The following AGAP3 variants were observed in gnomAD, a reference collection of about 807,000 sequenced individuals.
AGAP3 encodes the protein arf-GAP with GTPase, ANK repeat and PH domain-containing protein 3.
In AGAP3, 24 loss-of-function variants were observed where a neutral mutation model predicts 96.9. The observed-to-expected ratio is 0.25, with a 90% CI of 0.18 to 0.35. The LOEUF (loss-of-function observed/expected upper bound fraction) is 0.35. Ranked by LOEUF, AGAP3 falls within the 10% of genes least tolerant of loss-of-function variation. The pLI, the probability that AGAP3 is intolerant of heterozygous loss-of-function variation, is 1.00. For missense variants in AGAP3, 876 were observed against 1,254.2 expected (o/e 0.70, Z 4.55); for synonymous variants, 563 against 536.1 (o/e 1.05, Z -0.69).
chr7:151,134,627 A>G, intron 11 of AGAP3, 59 bp downstream of exon 11: 2 of 1,516,118 alleles, frequency 1.3e-6, no homozygotes, highest in Non-Finnish European at 1.8e-6. Flanking sequence ...CAAGGCAAGC[A>G]GGCATTCTGG....
At chr7:151,110,663 G>T (rs1799241413) in intron 1 of AGAP3, among the ~76,000 whole-genome samples, 2 of 152,156 alleles carry the variant, frequency 1.3e-5, no homozygotes, top group South Asian at 4.1e-4. Context: ...GGCTGGAGAT[G>T]GGAGACCCCT....
chr7:151,115,573 C>T, intron 1 of AGAP3: 2 of 1,146,058 alleles, frequency 1.7e-6, no homozygotes, highest in Non-Finnish European at 2.1e-6. Flanking sequence ...CGGAGGGAGC[C>T]CGCGCCCGCC....
rs923341339 is a variant in AGAP3 at position 151,114,813 on chromosome 7, C to T, written c.332-1980C>T. ...GCAGGGGGACAGCTGTCCCGGGGAGCGGCCCGCCGCTTGCCGCCGCGCCCA... is the reference window on the plus strand; with the variant it reads ...GCAGGGGGACAGCTGTCCCGGGGAGTGGCCCGCCGCTTGCCGCCGCGCCCA... On this transcript the variant is annotated intron_variant, in intron 1 of 17. Coordinates refer to ENST00000397238, the MANE Select transcript of AGAP3 (RefSeq NM_031946.7). This position sits in a 1 kb window ranked among gnomAD's most constrained non-coding sequence, Gnocchi z 4.4. The T allele has an allele frequency of 9.5e-7, 1 of 1,054,994 alleles. No homozygotes were observed. Among genetic ancestry groups the T allele is most frequent in the Non-Finnish European group, 1.1e-6 (1 of 876,406 alleles). 65.4% of individuals were successfully genotyped at this position (1,054,994 alleles called of 1,614,324 possible).
At position 151,143,341 on chromosome 7, in the gene AGAP3, A is replaced by T; in HGVS notation, c.2274A>T (p.Arg758Ser). 6.2e-7 allele frequency: 1 copy of T among 1,607,404 alleles called. No individual in the cohort carries two copies. Among genetic ancestry groups the T allele is most frequent in the Non-Finnish European group, 8.5e-7 (1 of 1,175,618 alleles). ...GYSKPGPDAC[R>S]EEKERWIRAK... ...TGCCCTGATGGGCCTGTGGTTGCAG[A>T]GAGGAGAAGGAACGCTGGATACGGG... is the stretch of plus-strand genomic sequence containing the variant. Residue 758 changes from arginine (R) to serine (S), a missense_variant and splice_region_variant, in exon 17 of 18, where the codon AGA becomes AGT. Arg to Ser is a moderately radical substitution (Grantham distance 110). This residue lies in a region of AGAP3 where 213 missense variants were observed against 253.8 expected (regional missense o/e 0.84). Transcript: ENST00000397238. This position sits in a 1 kb window ranked among gnomAD's most constrained non-coding sequence, Gnocchi z 5.9.
intron 1 of AGAP3, among the ~76,000 whole-genome samples, chr7:151,087,663 G>A (rs1401877962): frequency 2.6e-5 from 4 of 152,344 alleles, no homozygotes; most frequent in East Asian, 1.9e-4. Context: ...GCTTTGGCCG[G>A]GTCATGAGCC....
At chr7:151,087,363 G>T (rs1426084895) in intron 1 of AGAP3, among the ~76,000 whole-genome samples, 2 of 152,214 alleles carry the variant, frequency 1.3e-5, no homozygotes, top group Non-Finnish European at 2.9e-5. Flanking sequence ...GGCCGGGGAA[G>T]GTGGGCGCGG....
At chr7:151,134,678 C>T in intron 11 of AGAP3, 110 bp downstream of exon 11, 1 of 1,138,316 alleles carries the variant, frequency 8.8e-7, no homozygotes, top group Non-Finnish European at 1.2e-6. Context: ...TGCTGGCCAG[C>T]ATCACACTTC....
chr7:151,115,351 T>C lies in AGAP3; in HGVS notation c.332-1442T>C, dbSNP rs981754889. The stretch of plus-strand genomic sequence containing the variant: ...CTCAGGAAGAGCTTCAGCTTCCGCC[T>C]GCGCCGCGGCCAGGAGGTGCGGCGC... On this transcript the variant is annotated intron_variant, in intron 1 of 17. Transcript: ENST00000397238. 2.5e-4 allele frequency: 253 copies of C among 1,019,244 alleles called. 1 individual carries two copies. The Admixed American group carries it at 0.012, about 48-fold the overall frequency. The allele number at this position is 1,019,244 out of a possible 1,614,324, so 63.1% of individuals were successfully genotyped here. A position where few individuals can be genotyped will look rare whatever the true frequency, so the allele number is the denominator to read the frequency against.
chr7:151,120,530 G>T lies in AGAP3; in HGVS notation c.1128+385G>T. On this transcript the variant is annotated intron_variant, in intron 8 of 17. Coordinates refer to ENST00000397238, the MANE Select transcript of AGAP3 (RefSeq NM_031946.7). ...CCTTTGATTCAACAGCTAATGAACC[G>T]GCGGCCGGAAGGCTGTTTGCCCAAG... 34 of 879,066 alleles carry T rather than the reference G, an allele frequency of 3.9e-5. 1 individual carries two copies. Among genetic ancestry groups the T allele is most frequent in the Non-Finnish European group, 5.5e-5 (33 of 605,148 alleles). The allele number at this position is 879,066 out of a possible 1,614,324, so 54.5% of individuals were successfully genotyped here.
rs773023378 is a variant in AGAP3 at position 151,142,424 on chromosome 7, C to A, written c.2063C>A (p.Ala688Asp). The change falls in exon 16 of 18, where the codon GCC becomes GAC. Residue 688 changes from alanine to aspartate, a missense_variant. Ala to Asp is a moderately radical substitution (Grantham distance 126). Transcript: ENST00000397238. This position sits in a 1 kb window ranked among gnomAD's most constrained non-coding sequence, Gnocchi z 7.5. Reference sequence around the variant, plus strand: ...TCTCCTTGCCTAGATCCAGACTGGGCCAGCCTGAACCTGGGTGCCCTGATG... The same window carrying A: ...TCTCCTTGCCTAGATCCAGACTGGGACAGCCTGAACCTGGGTGCCCTGATG... ...IDCDAPNPDW[A>D]SLNLGALMCI... 1 of 1,613,744 alleles carries A rather than the reference C, an allele frequency of 6.2e-7. No homozygotes were observed. Among genetic ancestry groups the A allele is most frequent in the Non-Finnish European group, 8.5e-7 (1 of 1,179,870 alleles).
intron 1 of AGAP3, among the ~76,000 whole-genome samples, chr7:151,089,494 C>T (rs751553931): frequency 7.9e-5 from 12 of 152,130 alleles, no homozygotes; most frequent in African/African-American, 2.7e-4. Context: ...CAAAGCCTCC[C>T]TCACTCTGTT....
chr7:151,136,163 TG>T (rs1001896621), intron 11 of AGAP3: 40 of 152,390 alleles, frequency 2.6e-4, no homozygotes, highest in Middle Eastern at 6.8e-3. Flanking sequence ...TTGGTCAGCT[TG>T]GGGTTTCTCT....
chr7:151,089,139 T>A (rs1325243058), intron 1 of AGAP3, among the ~76,000 whole-genome samples: 1 of 152,108 alleles, frequency 6.6e-6, no homozygotes, highest in African/African-American at 2.4e-5. Flanking sequence ...CGTTCCCACT[T>A]TTCTGCTGTA....
At chr7:151,138,065 C>A in intron 11 of AGAP3, 78 bp from the exon 12 acceptor site, 1 of 1,137,496 alleles carries the variant, frequency 8.8e-7, no homozygotes, top group Non-Finnish European at 1.3e-6. Context: ...TGCTCTGCAG[C>A]TCTATTTTTA....
intron 11 of AGAP3, chr7:151,136,394 C>T (rs1364425837): frequency 1.3e-5 from 2 of 152,348 alleles, no homozygotes; most frequent in South Asian, 4.1e-4. Flanking sequence ...CGCAGGAGCT[C>T]GCGGACGGTG....
intron 1 of AGAP3, chr7:151,112,142 T>A (rs1275200745): frequency 6.6e-6 from 1 of 152,286 alleles, no homozygotes; most frequent in African/African-American, 2.4e-5. Flanking sequence ...ACTGGCTTGA[T>A]GTCCTGAGAC....
At chr7:151,104,016 G>A (rs548361820) in intron 1 of AGAP3, among the ~76,000 whole-genome samples, 1 of 152,274 alleles carries the variant, frequency 6.6e-6, no homozygotes, top group Admixed American at 6.5e-5. Context: ...GGGGGCGTGA[G>A]GACTGGGTCT....
At chr7:151,106,869 C>A (rs1421300028) in intron 1 of AGAP3, among the ~76,000 whole-genome samples, 1 of 152,190 alleles carries the variant, frequency 6.6e-6, no homozygotes, top group Non-Finnish European at 1.5e-5. Flanking sequence ...GCACTGTTAC[C>A]TGCAGTGGCC....
intron 1 of AGAP3, 54 bp downstream of exon 1, chr7:151,087,126 G>T (rs1450382915): frequency 6.5e-7 from 1 of 1,533,134 alleles, no homozygotes; most frequent in Non-Finnish European, 8.8e-7. Context: ...CTCCGGCGCC[G>T]GCCGAGGGCT....
Sources: gnomAD v4.1 joint callset for allele counts (sites outside exome capture counted in the v4.1 genomes callset) on GRCh38, gnomAD v4.1.1 for gene constraint, gnomAD v4.1.1 regional missense constraint, Gnocchi (gnomAD v3.1) non-coding constraint, MANE v1.5 for transcripts, NCBI Gene and HGNC (gene_info 2026-07-23, HGNC 2026-07-21) for gene names.